The following EHBP1 variants were observed in gnomAD, a reference collection of about 807,000 sequenced individuals.
EHBP1 encodes EH domain-binding protein 1.
A neutral mutation model predicts 144.0 loss-of-function variants in EHBP1; 55 were observed. That is an observed-to-expected ratio of 0.38 (90% confidence interval 0.31 to 0.48). EHBP1 has a LOEUF of 0.48. Among genes scored for constraint, EHBP1 ranks in the 20% least tolerant of loss-of-function variants. The probability of loss-of-function intolerance (pLI) is 0.98; values close to 1 mark genes in which losing one functional copy is unlikely to be tolerated. For missense variants in EHBP1, 1,200 were observed against 1,364.2 expected, an observed-to-expected ratio of 0.88 and a Z score of 1.90; for synonymous variants, 469 against 472.7, an observed-to-expected ratio of 0.99 and a Z score of 0.10.
At chr2:62,747,353 T>C (rs760583185) in intron 2 of EHBP1, 42 bp from the exon 3 acceptor site, 1 of 1,577,926 alleles carries the variant, frequency 6.3e-7, no homozygotes, top group South Asian at 1.2e-5. Flanking sequence ...AAACTTTATT[T>C]ATTTAAGATA....
Position 62,948,618 on chromosome 2 carries a change from G to T in EHBP1, c.1772G>T (p.Ser591Ile). ...GATAGCGGGGTTGGAGAGTCAGAAA[G>T]TGAGCATCAAACTCCTGATGATCAC... ...VNDSGVGESE[S>I]EHQTPDDHLS... is the part of the protein sequence containing the mutation. The change falls in exon 13 of 23, where the codon AGT becomes ATT. Residue 591 changes from serine (S) to isoleucine (I), a missense_variant. Transcript: ENST00000431489. The T allele has an allele frequency of 6.2e-7, 1 of 1,613,956 alleles. No homozygotes were observed. The highest frequency in any genetic ancestry group is 1.1e-5 in the South Asian group (1 of 91,086).
intron 10 of EHBP1, among the ~76,000 whole-genome samples, chr2:62,894,982 G>A (rs978514429): frequency 2.0e-5 from 3 of 151,036 alleles, no homozygotes; most frequent in African/African-American, 7.3e-5. Context: ...AGGCAGGCAG[G>A]CAGGGCTGCA....
At chr2:62,738,020 CTCTCA>C (rs1411318187) in intron 2 of EHBP1, among the ~76,000 whole-genome samples, 1 of 152,120 alleles carries the variant, frequency 6.6e-6, no homozygotes, top group Non-Finnish European at 1.5e-5. Context: ...CTGCCTTGCC[CTCTCA>C]AGTTGTTGGG....
chr2:62,874,426 G>A lies in EHBP1; in HGVS notation c.1079G>A (p.Arg360Lys). 1.2e-6 allele frequency: 2 copies of A among 1,613,616 alleles called. No homozygotes were observed. The highest frequency in any genetic ancestry group is 1.7e-5 in the Admixed American group (1 of 59,986). The change falls in exon 10 of 23, where the codon AGG becomes AAG. Residue 360 changes from arginine (R) to lysine (K), a missense_variant. This residue lies in a region of EHBP1 where 266 missense variants were observed against 262.4 expected (regional missense o/e 1.01). Transcript: ENST00000431489. ...CCTGTTCAAGAACTAGAAACTGAAA[G>A]GCGAGTGAAAAGAAAGGCCCCGGCT... ...VNPVQELETE[R>K]RVKRKAPAPP...
At chr2:62,998,656 T>C (rs1172873406) in intron 19 of EHBP1, among the ~76,000 whole-genome samples, 1 of 152,168 alleles carries the variant, frequency 6.6e-6, no homozygotes, top group African/African-American at 2.4e-5. Context: ...AACATATCAC[T>C]AGTCAAGCTT....
chr2:62,895,610 A>C (rs1417542689), intron 10 of EHBP1, among the ~76,000 whole-genome samples: 1 of 152,196 alleles, frequency 6.6e-6, no homozygotes, highest in African/African-American at 2.4e-5. Context: ...GGAAAAACAC[A>C]TGATCAGATT....
chr2:62,814,115 C>G (rs1394658715), intron 5 of EHBP1, among the ~76,000 whole-genome samples: 1 of 152,184 alleles, frequency 6.6e-6, no homozygotes, highest in African/African-American at 2.4e-5. Flanking sequence ...CCCAAAGTTC[C>G]TGTGTTGGAA....
At chr2:62,936,280 GT>G (rs2056380423) in intron 10 of EHBP1, among the ~76,000 whole-genome samples, 1 of 152,090 alleles carries the variant, frequency 6.6e-6, no homozygotes, top group African/African-American at 2.4e-5. Context: ...TTCTTTAACA[GT>G]TATAGAACTC....
intron 14 of EHBP1, among the ~76,000 whole-genome samples, chr2:62,963,810 T>C (rs2058110596): frequency 6.6e-6 from 1 of 152,244 alleles, no homozygotes; most frequent in Non-Finnish European, 1.5e-5. Context: ...TTTATTCTCC[T>C]ATGAGCTGGA....
At chr2:63,009,957 T>C (rs1359285728) in intron 19 of EHBP1, among the ~76,000 whole-genome samples, 2 of 151,528 alleles carry the variant, frequency 1.3e-5, no homozygotes, top group African/African-American at 4.8e-5. Flanking sequence ...ATAAAAGTCA[T>C]GTAAATGTAA....
intron 5 of EHBP1, among the ~76,000 whole-genome samples, chr2:62,788,855 G>A (rs1303454829): frequency 1.3e-5 from 2 of 152,196 alleles, no homozygotes; most frequent in Admixed American, 6.5e-5. Flanking sequence ...ATTAGATGCT[G>A]TAGCACAAAT....
intron 10 of EHBP1, among the ~76,000 whole-genome samples, chr2:62,936,650 GA>G (rs1455397388): frequency 6.6e-6 from 1 of 151,792 alleles, no homozygotes; most frequent in Non-Finnish European, 1.5e-5. Flanking sequence ...TCTTGGCTTG[GA>G]GAAAGTTGGT....
At chr2:62,759,373 C>G (rs189626234) in intron 3 of EHBP1, among the ~76,000 whole-genome samples, 2 of 152,214 alleles carry the variant, frequency 1.3e-5, no homozygotes, top group East Asian at 1.9e-4. Context: ...GATCAGGGCT[C>G]TCATAGTGCT....
intron 15 of EHBP1, among the ~76,000 whole-genome samples, chr2:62,989,821 G>A (rs562654484): frequency 3.6e-4 from 55 of 152,010 alleles, no homozygotes; most frequent in Non-Finnish European, 7.6e-4. Context: ...AAGTCATAAG[G>A]TTTTAATAAT....
intron 1 of EHBP1, among the ~76,000 whole-genome samples, chr2:62,687,781 C>T (rs895254827): frequency 1.2e-4 from 19 of 152,188 alleles, no homozygotes; most frequent in Admixed American, 2.6e-4. Flanking sequence ...TGCACAGACC[C>T]GCTATGAAAA....
At chr2:62,942,936 G>A (rs2056846157) in intron 11 of EHBP1, 40 bp downstream of exon 11, 2 of 1,376,494 alleles carry the variant, frequency 1.5e-6, no homozygotes, top group Admixed American at 4.6e-5. Context: ...TTTTGTAAGT[G>A]ATAGACATTT....
intron 7 of EHBP1, among the ~76,000 whole-genome samples, chr2:62,851,309 A>G (rs1283472030): frequency 6.6e-6 from 1 of 152,130 alleles, no homozygotes; most frequent in Non-Finnish European, 1.5e-5. Flanking sequence ...TCCATTTCCT[A>G]TCGCTGGCAT....
intron 18 of EHBP1, among the ~76,000 whole-genome samples, chr2:62,994,956 C>G (rs1291752943): frequency 6.6e-6 from 1 of 152,150 alleles, no homozygotes; most frequent in Non-Finnish European, 1.5e-5. Context: ...TTTAACTGAA[C>G]CAATCAGTAA....
intron 19 of EHBP1, among the ~76,000 whole-genome samples, chr2:63,005,349 A>T (rs990280151): frequency 6.6e-6 from 1 of 152,076 alleles, no homozygotes; most frequent in South Asian, 2.1e-4. Context: ...AGATCCCCAG[A>T]TATATGACTT....
Sources: gnomAD v4.1 joint callset for allele counts (sites outside exome capture counted in the v4.1 genomes callset) on GRCh38, gnomAD v4.1.1 for gene constraint, gnomAD v4.1.1 regional missense constraint, MANE v1.5 for transcripts, NCBI Gene and HGNC (gene_info 2026-07-23, HGNC 2026-07-21) for gene names.